The following ZFAT variants were observed in gnomAD, a reference collection of about 807,000 sequenced individuals.
ZFAT encodes the protein zinc finger and AT-hook domain containing.
Under a neutral mutation model 117.7 loss-of-function variants are expected in ZFAT, and 64 were observed. That is an observed-to-expected ratio of 0.54 (90% CI 0.44 to 0.67). ZFAT has a LOEUF of 0.67. ZFAT is among the 30% of genes least tolerant of loss of function. The pLI, the probability that ZFAT is intolerant of heterozygous loss-of-function variation, is 0.00. For synonymous variants in ZFAT, 679 were observed against 615.0 expected (o/e 1.10, Z -1.54); for missense variants, 1,433 against 1,584.5 (o/e 0.90, Z 1.62).
intron 1 of ZFAT, among the ~76,000 whole-genome samples, chr8:134,685,998 AAC>A (rs1443444276): frequency 6.6e-6 from 1 of 152,178 alleles, no homozygotes; most frequent in Non-Finnish European, 1.5e-5. Context: ...CTACAACCCA[AAC>A]ACACATCCTT....
chr8:134,762,537 T>C, the ZFAT span, among the ~76,000 whole-genome samples: 7 of 152,228 alleles, frequency 4.6e-5, no homozygotes, highest in African/African-American at 1.2e-4. Flanking sequence ...CCTGATTTCA[T>C]TGGCCTCTTC....
chr8:134,639,154 G>C (rs1030310452), intron 2 of ZFAT, among the ~76,000 whole-genome samples: 1 of 152,216 alleles, frequency 6.6e-6, no homozygotes. Flanking sequence ...CAGGGGCAAA[G>C]GGGAGCAGAG....
intron 3 of ZFAT, among the ~76,000 whole-genome samples, chr8:134,629,837 C>T (rs1289803495): frequency 2.6e-5 from 4 of 152,158 alleles, no homozygotes; most frequent in African/African-American, 4.8e-5. Flanking sequence ...AGTGTGAAAA[C>T]GGACTAATAC....
At position 134,610,499 on chromosome 8, in the gene ZFAT, A is replaced by G; in HGVS notation, c.605T>C (p.Val202Ala). ...LSGAKKPIIS[V>A]VLTAHEAIPG... ...AATTGCTTCGTGTGCAGTTAAAACC[A>G]CACTTATGATGGGTTTCTTCGCCCC... is the stretch of plus-strand genomic sequence containing the variant. The change falls in exon 4 of 16, where the codon GTG becomes GCG. Residue 202 changes from valine to alanine, a missense_variant. By Grantham distance (64) the Val-to-Ala change is moderately conservative. This residue lies in a region of ZFAT where 436 missense variants were observed against 482.0 expected (regional missense o/e 0.90). Transcript: ENST00000377838. 6.2e-7 allele frequency: 1 copy of G among 1,613,948 alleles called. No individual in the cohort carries two copies. Among genetic ancestry groups the G allele is most frequent in the Non-Finnish European group, 8.5e-7 (1 of 1,179,976 alleles).
chr8:134,656,230 C>T (rs1393560312), intron 2 of ZFAT, among the ~76,000 whole-genome samples: 3 of 152,126 alleles, frequency 2.0e-5, no homozygotes, highest in Admixed American at 2.0e-4. Flanking sequence ...TCCTCTACCC[C>T]AAAGCAAAGG....
At chr8:134,559,395 T>C (rs1338271446) in intron 11 of ZFAT, among the ~76,000 whole-genome samples, 1 of 152,258 alleles carries the variant, frequency 6.6e-6, no homozygotes, top group African/African-American at 2.4e-5. Context: ...TCCCATATTC[T>C]TTCCTGTAGC....
chr8:134,725,809 A>G, the ZFAT span, among the ~76,000 whole-genome samples: 1 of 152,054 alleles, frequency 6.6e-6, no homozygotes, highest in African/African-American at 2.4e-5. Flanking sequence ...ACATATAAAC[A>G]GGAAAAGCTC....
chr8:134,531,562 C>T (rs1450818894), intron 12 of ZFAT, among the ~76,000 whole-genome samples: 1 of 152,230 alleles, frequency 6.6e-6, no homozygotes, highest in African/African-American at 2.4e-5. Flanking sequence ...CTCCATTCTA[C>T]AGGTGAAGAG....
intron 11 of ZFAT, among the ~76,000 whole-genome samples, chr8:134,560,372 T>TA (rs1469437450): frequency 6.6e-6 from 1 of 152,180 alleles, no homozygotes; most frequent in Non-Finnish European, 1.5e-5. Context: ...TATAGAATGA[T>TA]ATATATATAA....
chr8:134,553,332 A>G (rs1488389887), intron 11 of ZFAT, among the ~76,000 whole-genome samples: 1 of 152,168 alleles, frequency 6.6e-6, no homozygotes, highest in African/African-American at 2.4e-5. Context: ...GTGAAACCCC[A>G]TCTCTACTAA....
chr8:134,816,072 A>G, the ZFAT span, among the ~76,000 whole-genome samples: 1 of 152,222 alleles, frequency 6.6e-6, no homozygotes, highest in Non-Finnish European at 1.5e-5. Context: ...ATAAATAAAA[A>G]TATAGTAAAG....
intron 6 of ZFAT, 27 bp downstream of exon 6, chr8:134,601,450 C>A: frequency 6.3e-7 from 1 of 1,575,658 alleles, no homozygotes; most frequent in Non-Finnish European, 8.6e-7. Context: ...GTGGACAGGG[C>A]CACGCACCGG....
the ZFAT span, among the ~76,000 whole-genome samples, chr8:134,748,296 T>A: frequency 6.6e-6 from 1 of 152,180 alleles, no homozygotes; most frequent in Non-Finnish European, 1.5e-5. Context: ...TCCTTGTAGG[T>A]TTATTGCCTG....
chr8:134,492,501 G>A (rs1422287797), intron 15 of ZFAT, among the ~76,000 whole-genome samples: 7 of 152,196 alleles, frequency 4.6e-5, no homozygotes, highest in Admixed American at 4.6e-4. Flanking sequence ...GATTCTTACA[G>A]GTAGAATATT....
chr8:134,683,956 GC>G (rs959265719), intron 1 of ZFAT, among the ~76,000 whole-genome samples: 2 of 152,166 alleles, frequency 1.3e-5, no homozygotes, highest in African/African-American at 4.8e-5. Context: ...AACCTCTGCA[GC>G]CCCTGCAGAC....
chr8:134,725,247 A>G, the ZFAT span, among the ~76,000 whole-genome samples: 1 of 152,220 alleles, frequency 6.6e-6, no homozygotes, highest in Non-Finnish European at 1.5e-5. Context: ...GCACAAGTTC[A>G]AGCGCCTGGC....
chr8:134,602,928 C>A lies in ZFAT; in HGVS notation c.791G>T (p.Gly264Val). ...AGTGAAGATTTTGAGCTGAGTGGGA[C>A]CTAGCCTAGAAACAGATGACAGCAT... ...YEQPMKSSRL[G>V]PTQLKIFTCE... is the part of the protein sequence containing the mutation. The change falls in exon 6 of 16, where the codon GGT becomes GTT. Residue 264 changes from glycine to valine, a missense_variant. Physicochemically the swap from Gly to Val is moderately radical, Grantham distance 109. This residue lies in a region of ZFAT where 436 missense variants were observed against 482.0 expected (regional missense o/e 0.90). Coordinates refer to ENST00000377838, the MANE Select transcript of ZFAT (RefSeq NM_020863.4). The A allele has an allele frequency of 1.2e-6, 2 of 1,604,706 alleles. No individual in the cohort carries two copies. Among genetic ancestry groups the A allele is most frequent in the Admixed American group, 1.7e-5 (1 of 59,436 alleles).
At chr8:134,764,892 C>T in the ZFAT span, 3 of 152,208 alleles carry the variant, frequency 2.0e-5, no homozygotes, top group South Asian at 2.1e-4. Context: ...CAGGGAAGCA[C>T]GGGAACCCGC....
At chr8:134,595,181 C>T (rs1219487769) in intron 7 of ZFAT, among the ~76,000 whole-genome samples, 1 of 152,216 alleles carries the variant, frequency 6.6e-6, no homozygotes, top group Non-Finnish European at 1.5e-5. Context: ...CACACACTGA[C>T]AGATAAACAT....
Sources: gnomAD v4.1 joint callset for allele counts (sites outside exome capture counted in the v4.1 genomes callset) on GRCh38, gnomAD v4.1.1 for gene constraint, gnomAD v4.1.1 regional missense constraint, MANE v1.5 for transcripts, NCBI Gene and HGNC (gene_info 2026-07-23, HGNC 2026-07-21) for gene names.